Variants in KIAA1210 observed in about 807,000 individuals in gnomAD.
KIAA1210 encodes KIAA1210.
In KIAA1210, 48 loss-of-function variants were observed where a neutral mutation model predicts 78.9. That is an observed-to-expected ratio of 0.61 (90% CI 0.48 to 0.77). KIAA1210 has a LOEUF of 0.77. Ranked by LOEUF, KIAA1210 falls within the 30% of genes least tolerant of loss-of-function variation. KIAA1210 has a pLI of 0.00. For synonymous variants in KIAA1210, 406 were observed against 404.5 expected (o/e 1.00, Z -0.04); for missense variants, 1,108 against 1,100.0 (o/e 1.01, Z -0.10).
chrX:119,079,112 G>C lies in KIAA1210; in HGVS notation c.*2217C>G, dbSNP rs922194124. 8.9e-6 allele frequency: 1 copy of C among 112,526 alleles called. No individual in the cohort carries two copies. Among genetic ancestry groups the C allele is most frequent in the African/African-American group, 3.2e-5 (1 of 30,982 alleles). 9.3% of individuals were successfully genotyped at this position (112,526 alleles called of 1,213,427 possible). On this transcript the variant is annotated 3_prime_UTR_variant, in exon 12 of 12. Transcript: ENST00000691062. ...TATCAGGAAAAATAGATGTTATATA[G>C]AGAAAATGCAAAATTTAGCATGTAA... is the stretch of plus-strand genomic sequence containing the variant.
At position 119,087,293 on chromosome X, in the gene KIAA1210, CAG is replaced by C. The variant is rs1480584555; in HGVS notation, c.3407_3408del (p.Pro1136ArgfsTer7). ...CACTCTTTAGGAGAACTGGCAGAAACAGGGGAGACTTTTTGCTCATACTCAGG... is the reference window on the plus strand; with the variant it reads ...CACTCTTTAGGAGAACTGGCAGAAACGGGAGACTTTTTGCTCATACTCAGG... ...RKPEYEQKVS[P>X]VSASSPKEWR... On this transcript the variant is annotated frameshift_variant, in exon 9 of 12. Transcript: ENST00000691062. LOFTEE classifies it high-confidence loss of function. 6.6e-6 allele frequency: 8 copies of C among 1,209,050 alleles called. No individual in the cohort carries two copies. Among genetic ancestry groups the C allele is most frequent in the East Asian group, 5.9e-5 (2 of 33,762 alleles).
At chrX:119,097,744 G>T (rs1927601392) in intron 6 of KIAA1210, among the ~76,000 whole-genome samples, 2 of 111,556 alleles carry the variant, frequency 1.8e-5, no homozygotes, top group Non-Finnish European at 3.8e-5. Flanking sequence ...CAGTGCATGG[G>T]GACTTAACGC....
chrX:119,132,383 GT>G (rs1303439522), upstream of KIAA1210, among the ~76,000 whole-genome samples: 11 of 111,605 alleles, frequency 9.9e-5, no homozygotes, highest in African/African-American at 3.6e-4. Context: ...ACTGGGGTAG[GT>G]TTGGAGCCAT....
intron 1 of KIAA1210, among the ~76,000 whole-genome samples, chrX:119,125,729 ATATATAT>A (rs1397692011): frequency 2.8e-4 from 2 of 7,136 alleles, no homozygotes; most frequent in Non-Finnish European, 6.4e-4. Context: ...ATATATATAT[ATATATAT>A]TTTTTTTTTT....
In KIAA1210 at chrX:119,104,909, C is replaced by T; in HGVS notation, c.648+83G>A. 44 of 948,860 alleles carry T rather than the reference C, an allele frequency of 4.6e-5. No homozygotes were observed. The South Asian group carries it at 1.1e-3, about 23-fold the overall frequency. The allele number at this position is 948,860 out of a possible 1,213,427, so 78.2% of individuals were successfully genotyped here. On this transcript the variant is annotated intron_variant, in intron 6 of 11. Transcript: ENST00000691062. ...CCAATCATCCCCCTAGTGTTGAGCT[C>T]CAGCGGGAGAATAGATGATACAAGA...
intron 1 of KIAA1210, among the ~76,000 whole-genome samples, chrX:119,124,885 T>C (rs1279132007): frequency 9.7e-6 from 1 of 102,948 alleles, no homozygotes; most frequent in African/African-American, 3.6e-5. Flanking sequence ...CAGGACCCTG[T>C]CTCAAAAAAA....
intron 2 of KIAA1210, among the ~76,000 whole-genome samples, chrX:119,140,110 A>G (rs751090857): frequency 1.5e-4 from 17 of 112,649 alleles, no homozygotes; most frequent in African/African-American, 4.8e-4. Flanking sequence ...GGCTCACTAT[A>G]AGCCCTCCCT....
rs764054384 is a variant in KIAA1210 at position 119,089,122 on chromosome X, T to C, written c.1580A>G (p.Glu527Gly). Residue 527 changes from glutamate (E) to glycine (G), a missense_variant, in exon 9 of 12, where the codon GAA (glutamate) becomes GGA (glycine). By Grantham distance (98) the Glu-to-Gly change is moderately conservative (BLOSUM62 -2). Coordinates refer to ENST00000691062, the MANE Select transcript of KIAA1210 (RefSeq NM_001394962.1). ...VFMNPSHIQLEDQEAFSFDLQ... is the reference protein window; with the variant it reads ...VFMNPSHIQLGDQEAFSFDLQ... Reference sequence around the variant, plus strand: ...ATCAAAGCTGAAAGCTTCTTGATCTTCTAACTGGATATGAGAAGGATTCAT... The same window carrying C: ...ATCAAAGCTGAAAGCTTCTTGATCTCCTAACTGGATATGAGAAGGATTCAT... 5 of 1,211,889 alleles carry C rather than the reference T, an allele frequency of 4.1e-6. No homozygotes were observed.
In KIAA1210 at chrX:119,104,930, CAAG is replaced by C. The variant is rs1353622184; in HGVS notation, c.648+59_648+61del. 3.9e-5 allele frequency: 41 copies of C among 1,048,355 alleles called. No homozygotes were observed. The Middle Eastern group carries it at 7.5e-4, about 19-fold the overall frequency. The allele number at this position is 1,048,355 out of a possible 1,213,427, so 86.4% of individuals were successfully genotyped here. ...AGCTCCAGCGGGAGAATAGATGATA[CAAG>C]AAGAAGTTATGCCTCTGATCTGTGA... On this transcript the variant is annotated intron_variant, in intron 6 of 11. Coordinates refer to ENST00000691062, the MANE Select transcript of KIAA1210 (RefSeq NM_001394962.1).
intron 2 of KIAA1210, among the ~76,000 whole-genome samples, chrX:119,133,410 A>G (rs1928839293): frequency 9.0e-6 from 1 of 111,603 alleles, no homozygotes; most frequent in Admixed American, 9.5e-5. Context: ...GGCAGAGTTC[A>G]TTTGGTGGGG....
chrX:119,129,712 C>A (rs759750756), upstream of KIAA1210, among the ~76,000 whole-genome samples: 2 of 111,496 alleles, frequency 1.8e-5, no homozygotes, highest in East Asian at 5.6e-4. Context: ...GATCCCATTC[C>A]TAGATATCCT....
In KIAA1210 at chrX:119,116,466, C is replaced by T. The variant is rs368340163; in HGVS notation, c.230+30G>A. ...CCAACTGCCTGCCTCTTCCCCTGTC[C>T]CCATCACTCTCCACCGCATCTGAGC... On this transcript the variant is annotated intron_variant, in intron 3 of 11. Transcript: ENST00000691062. The T allele has an allele frequency of 8.1e-5, 97 of 1,197,106 alleles. No individual in the cohort carries two copies. The African/African-American group carries it at 1.6e-3, about 20-fold the overall frequency.
At chrX:119,104,915 G>T in intron 6 of KIAA1210, 77 bp downstream of exon 6, 2 of 976,623 alleles carry the variant, frequency 2.0e-6, no homozygotes, top group Non-Finnish European at 2.8e-6. Flanking sequence ...AGCTCCAGCG[G>T]GAGAATAGAT....
rs773245380 is a variant in KIAA1210, at chrX:119,116,600, G to A, written c.126C>T (p.Ala42=). 23 of 1,206,294 alleles carry A rather than the reference G, an allele frequency of 1.9e-5. No homozygotes were observed. Among genetic ancestry groups the A allele is most frequent in the East Asian group, 1.8e-4 (6 of 33,749 alleles). ...SFFVKKKEKE[A]EDTQEEEMLE... Reference sequence around the variant, plus strand: ...GCATTTCTTCTTCCTGGGTATCTTCGGCTTCTTTTTCCTTCTTCTTAACAA... The same window carrying A: ...GCATTTCTTCTTCCTGGGTATCTTCAGCTTCTTTTTCCTTCTTCTTAACAA... The change falls in exon 3 of 12, where the codon GCC becomes GCT. Residue 42 remains alanine, a synonymous_variant. Transcript: ENST00000691062.
At chrX:119,150,219 C>G (rs1209957935) in intron 1 of KIAA1210, 4 of 1,050,016 alleles carry the variant, frequency 3.8e-6, no homozygotes, top group Non-Finnish European at 5.1e-6. Context: ...TTGTGCAGCT[C>G]TCCCTTCTCA....
intron 2 of KIAA1210, among the ~76,000 whole-genome samples, chrX:119,137,826 C>T (rs1020144971): frequency 8.9e-6 from 1 of 112,180 alleles, no homozygotes; most frequent in African/African-American, 3.2e-5. Context: ...AAGGAGTCTG[C>T]AGGCCCCAAG....
At chrX:119,147,879 T>C (rs915675572) in intron 1 of KIAA1210, among the ~76,000 whole-genome samples, 2 of 112,113 alleles carry the variant, frequency 1.8e-5, no homozygotes, top group South Asian at 3.7e-4. Context: ...GGCACGGTGG[T>C]TCATGCCCGT....
At chrX:119,103,950 G>A (rs1037672682) in intron 6 of KIAA1210, among the ~76,000 whole-genome samples, 3 of 111,892 alleles carry the variant, frequency 2.7e-5, no homozygotes, top group Non-Finnish European at 3.8e-5. Context: ...TGGGAGATAC[G>A]AATGGTGAAT....
chrX:119,111,233 C>T (rs888613223), intron 3 of KIAA1210, among the ~76,000 whole-genome samples: 4 of 111,553 alleles, frequency 3.6e-5, no homozygotes, highest in Non-Finnish European at 7.5e-5. Flanking sequence ...AACTGGGTAT[C>T]CACATGCAAA....
Sources: allele counts gnomAD v4.1 joint callset (sites outside exome capture counted in the v4.1 genomes callset), GRCh38; gene constraint gnomAD v4.1.1; transcripts MANE v1.5; gene names NCBI Gene and HGNC (gene_info 2026-07-23, HGNC 2026-07-21).